Variants in PON1 observed in about 807,000 individuals in gnomAD.
PON1 encodes the protein serum paraoxonase/arylesterase 1.
A neutral mutation model predicts 39.2 loss-of-function variants in PON1; 37 were observed. The ratio of observed to expected loss-of-function variants is 0.94; its 90% CI spans 0.73 to 1.24. The LOEUF (loss-of-function observed/expected upper bound fraction) is 1.24, where lower values mean the gene tolerates loss of function less well. PON1 is among the 50% of genes most tolerant of loss of function. PON1 has a pLI of 0.00. For missense variants in PON1, 397 were observed against 413.5 expected (o/e 0.96, Z 0.35); for synonymous variants, 148 against 152.2 (o/e 0.97, Z 0.21).
At position 95,300,850 on chromosome 7, in the gene PON1, C is replaced by A. The variant is rs886679587; in HGVS notation, c.909+1355G>T. On this transcript the variant is annotated intron_variant, in intron 8 of 8. Transcript: ENST00000222381. ...ATTTCTTCAATTCTATTAAACATAC[C>A]ATTCAGCAACCCTAATAGCTAAAAA... Among the ~76,000 whole-genome samples the A allele has an allele frequency of 3.9e-5, 6 of 152,196 alleles. No individual in the cohort carries two copies. In the East Asian group the frequency reaches 7.7e-4, roughly 20 times the overall value.
intron 4 of PON1, 52 bp from the exon 5 acceptor site, chr7:95,311,629 A>C: frequency 6.2e-7 from 1 of 1,610,610 alleles, no homozygotes; most frequent in Non-Finnish European, 8.5e-7. Context: ...TCTCACTGTC[A>C]GCCCTCTCTC....
At chr7:95,303,640 GAC>G (rs1337519878) in intron 7 of PON1, among the ~76,000 whole-genome samples, 1 of 152,276 alleles carries the variant, frequency 6.6e-6, no homozygotes, top group East Asian at 1.9e-4. Flanking sequence ...GTACCCAGCA[GAC>G]ACAGCTCATG....
rs1807302179 is a variant in PON1 at position 95,297,820 on chromosome 7, T to G, written c.*1124A>C. On this transcript the variant is annotated 3_prime_UTR_variant, in exon 9 of 9. Coordinates refer to ENST00000222381, the MANE Select transcript of PON1 (RefSeq NM_000446.7). The stretch of plus-strand genomic sequence containing the variant: ...AACAAAACAAAAACAAGAAAAAAAT[T>G]TGTTTCTAAAGTCACTGCCTTAACA... 6.6e-6 allele frequency: 1 copy of G among 151,996 alleles called. No individual in the cohort carries two copies. Among genetic ancestry groups the G allele is most frequent in the Admixed American group, 6.6e-5 (1 of 15,258 alleles). 9.4% of individuals were successfully genotyped at this position (151,996 alleles called of 1,614,324 possible). A position where few individuals can be genotyped will look rare whatever the true frequency, so the allele number is the denominator to read the frequency against.
At chr7:95,312,771 G>C (rs3917515) in intron 4 of PON1, among the ~76,000 whole-genome samples, 1 of 151,560 alleles carries the variant, frequency 6.6e-6, no homozygotes, top group Non-Finnish European at 1.5e-5. Context: ...CAAAGGCCCC[G>C]GGGCAGAACT....
chr7:95,312,289 G>C (rs1365231257), intron 4 of PON1, among the ~76,000 whole-genome samples: 1 of 152,148 alleles, frequency 6.6e-6, no homozygotes, highest in Non-Finnish European at 1.5e-5. Flanking sequence ...CGCCTCCCAG[G>C]TTCAAGCGAT....
rs986819715 is a variant in PON1, at chr7:95,316,585, G to A, written c.201+149C>T. 6 of 777,408 alleles carry A rather than the reference G, an allele frequency of 7.7e-6. No individual in the cohort carries two copies. In the African/African-American group the frequency reaches 1.0e-4, roughly 13 times the overall value. The allele number at this position is 777,408 out of a possible 1,614,324, so 48.2% of individuals were successfully genotyped here. A position where few individuals can be genotyped will look rare whatever the true frequency, so the allele number is the denominator to read the frequency against. On this transcript the variant is annotated intron_variant, in intron 3 of 8. Coordinates refer to ENST00000222381, the MANE Select transcript of PON1 (RefSeq NM_000446.7). Reference sequence around the variant, plus strand: ...GCATGATCATAATTATAGCACAAGTGTAAATGCATACACAATTTGTCTTTT... The same window carrying A: ...GCATGATCATAATTATAGCACAAGTATAAATGCATACACAATTTGTCTTTT...
Position 95,315,495 on chromosome 7 carries a change from T to G in PON1, c.202-5A>C. ...TATTCCAGGATACTTTAATCCCTTA[T>G]AAACCATGGAGGAGAAAAATCAAGC... On this transcript the variant is annotated splice_polypyrimidine_tract_variant and splice_region_variant and intron_variant, in intron 3 of 8. Coordinates refer to ENST00000222381, the MANE Select transcript of PON1 (RefSeq NM_000446.7). 6.2e-7 allele frequency: 1 copy of G among 1,613,630 alleles called. No homozygotes were observed.
chr7:95,318,358 A>G lies in PON1; in HGVS notation c.110T>C (p.Val37Ala), dbSNP rs1226677662. Residue 37 changes from valine (V) to alanine (A), a missense_variant, in exon 2 of 9, where the codon GTA (valine) becomes GCA (alanine). Physicochemically the swap from Val to Ala is moderately conservative, Grantham distance 64 (BLOSUM62 0). Coordinates refer to ENST00000222381, the MANE Select transcript of PON1 (RefSeq NM_000446.7). ...AACTAAATTACAGTTAGGAAGTTCTACGGGTTGTACCTCTCGGAGAGCATT... is the reference window on the plus strand; with the variant it reads ...AACTAAATTACAGTTAGGAAGTTCTGCGGGTTGTACCTCTCGGAGAGCATT... ...RLNALREVQP[V>A]ELPNCNLVKG... The G allele has an allele frequency of 6.2e-7, 1 of 1,610,408 alleles. No individual in the cohort carries two copies.
chr7:95,314,845 A>G (rs777804055), intron 4 of PON1, among the ~76,000 whole-genome samples: 1 of 150,238 alleles, frequency 6.7e-6, no homozygotes, highest in African/African-American at 2.4e-5. Flanking sequence ...CAACATGCAG[A>G]GGAGCATTTT....
Position 95,299,096 on chromosome 7 carries a change from G to A in PON1, c.916C>T (p.Arg306Ter), listed in dbSNP as rs771511329. ...SENPPASEVL[R>*]IQNILTEEPK... is the part of the protein sequence containing the mutation. ...TCTTCTGTTAGAATGTTCTGGATTC[G>A]AAGCACCTGTGGAAGAAATAACATT... The change falls in exon 9 of 9, where the codon CGA (arginine) becomes TGA (stop). Residue 306 changes from arginine (R) to a stop codon, truncating the protein, a stop_gained. Coordinates refer to ENST00000222381, the MANE Select transcript of PON1 (RefSeq NM_000446.7). LOFTEE classifies it high-confidence loss of function. The A allele has an allele frequency of 1.5e-5, 24 of 1,613,842 alleles. No homozygotes were observed. The South Asian group carries it at 1.8e-4, about 12-fold the overall frequency.
intron 5 of PON1, among the ~76,000 whole-genome samples, chr7:95,310,009 A>T (rs1464899733): frequency 6.6e-6 from 1 of 152,174 alleles, no homozygotes; most frequent in Admixed American, 6.5e-5. Context: ...AAATACTCCA[A>T]TCCGGTAACG....
chr7:95,324,292 C>G (rs1041136906), intron 1 of PON1, 110 bp downstream of exon 1: 5 of 982,614 alleles, frequency 5.1e-6, no homozygotes, highest in Non-Finnish European at 8.1e-6. Context: ...CATCTAGCAC[C>G]TGCTTGTAAA....
rs747531238 is a variant in PON1 at position 95,298,431 on chromosome 7, C to G, written c.*513G>C. 1.2e-5 allele frequency: 2 copies of G among 170,840 alleles called. No individual in the cohort carries two copies. Among genetic ancestry groups the G allele is most frequent in the South Asian group, 2.9e-4 (2 of 6,960 alleles). 10.6% of individuals were successfully genotyped at this position (170,840 alleles called of 1,614,324 possible). ...GGAAAATGGGAGTAAGTAAGTCTGA[C>G]TGCCATAGTCAGACTTACTATGTGC... On this transcript the variant is annotated 3_prime_UTR_variant, in exon 9 of 9. Coordinates refer to ENST00000222381, the MANE Select transcript of PON1 (RefSeq NM_000446.7).
intron 1 of PON1, among the ~76,000 whole-genome samples, chr7:95,320,618 A>G (rs1481869863): frequency 6.6e-6 from 1 of 152,382 alleles, no homozygotes; most frequent in East Asian, 1.9e-4. Flanking sequence ...TTGGAATTCA[A>G]GTATGAACAC....
At chr7:95,302,971 G>C (rs1395749105) in intron 7 of PON1, among the ~76,000 whole-genome samples, 1 of 152,188 alleles carries the variant, frequency 6.6e-6, no homozygotes, top group Non-Finnish European at 1.5e-5. Context: ...TTTGTACAAG[G>C]ATCATAAATA....
At chr7:95,314,593 C>T (rs1054158953) in intron 4 of PON1, among the ~76,000 whole-genome samples, 1 of 152,106 alleles carries the variant, frequency 6.6e-6, no homozygotes, top group African/African-American at 2.4e-5. Flanking sequence ...TTAACCCTAG[C>T]CTGACATTTT....
chr7:95,317,334 T>A (rs1218923912), intron 2 of PON1, among the ~76,000 whole-genome samples: 1 of 152,048 alleles, frequency 6.6e-6, no homozygotes, highest in Non-Finnish European at 1.5e-5. Context: ...TAGTTATACT[T>A]TAAGTACATG....
Position 95,309,692 on chromosome 7 carries a change from T to A in PON1, c.498-1481A>T, listed in dbSNP as rs192792031. 1.1e-3 allele frequency among the ~76,000 whole-genome samples: 171 copies of A among 152,294 alleles called. 1 individual carries two copies. The highest frequency in any genetic ancestry group is 3.8e-3 in the African/African-American group (159 of 41,544). On this transcript the variant is annotated intron_variant, in intron 5 of 8. Coordinates refer to ENST00000222381, the MANE Select transcript of PON1 (RefSeq NM_000446.7). ...CTATTCTGAACCTCTGTTTTCTCTG[T>A]ATACCTTGAAAGGCTAGAGTAAGAA...
chr7:95,309,995 A>G (rs976479135), intron 5 of PON1, among the ~76,000 whole-genome samples: 2 of 152,310 alleles, frequency 1.3e-5, no homozygotes, highest in Middle Eastern at 6.8e-3. Context: ...CTGGCTCAAG[A>G]AAAAAATACT....
Sources: allele counts gnomAD v4.1 joint callset (sites outside exome capture counted in the v4.1 genomes callset), GRCh38; gene constraint gnomAD v4.1.1; transcripts MANE v1.5; gene names NCBI Gene and HGNC (gene_info 2026-07-23, HGNC 2026-07-21).